Variants in ROBO2 observed in about 807,000 individuals in gnomAD.
ROBO2 encodes roundabout homolog 2.
ROBO2 carries 53 observed loss-of-function variants against 160.8 expected under a neutral mutation model. That is an observed-to-expected ratio of 0.33 (90% CI 0.26 to 0.41). The LOEUF (loss-of-function observed/expected upper bound fraction) is 0.41. ROBO2 is among the 10% of genes least tolerant of loss of function. The pLI, the probability that ROBO2 is intolerant of heterozygous loss-of-function variation, is 1.00. For missense variants in ROBO2, 1,577 were observed against 1,722.4 expected (o/e 0.92, Z 1.49); for synonymous variants, 664 against 611.7 (o/e 1.09, Z -1.26).
At position 76,750,458 on chromosome 3, in the gene ROBO2, G is replaced by A. The variant is rs372316868; in HGVS notation, c.110-347556G>A. 6.6e-3 allele frequency among the ~76,000 whole-genome samples: 1,001 copies of A among 151,226 alleles called. 6 individuals are homozygous for A. The highest frequency in any genetic ancestry group is 0.024 in the Middle Eastern group (7 of 292). On this transcript the variant is annotated intron_variant, in intron 2 of 26. Coordinates refer to the ROBO2 transcript ENST00000487694. ...GAAGTTCTGGCCAGGGCAATCAGGC[G>A]GGAGAAAGAAATAAAGGGTATTCAA...
At chr3:77,447,886 T>C (rs1478656663) in intron 2 of ROBO2, among the ~76,000 whole-genome samples, 1 of 152,146 alleles carries the variant, frequency 6.6e-6, no homozygotes, top group Non-Finnish European at 1.5e-5. Flanking sequence ...TGGTGCAATA[T>C]TGAGCTACTC....
chr3:75,925,277 T>C (rs1947244766), intron 1 of ROBO2, among the ~76,000 whole-genome samples: 1 of 151,544 alleles, frequency 6.6e-6, no homozygotes, highest in African/African-American at 2.4e-5. Context: ...CCTGTCGTCC[T>C]GGCTACTCCG....
At chr3:77,611,532 G>A (rs971516037) in intron 21 of ROBO2, among the ~76,000 whole-genome samples, 3 of 152,020 alleles carry the variant, frequency 2.0e-5, no homozygotes, top group African/African-American at 7.2e-5. Flanking sequence ...AAGGTCAATG[G>A]GTTGGAGGAA....
rs959776556 is a variant in ROBO2, at chr3:76,307,546, C to T, written c.109+369944C>T. The stretch of plus-strand genomic sequence containing the variant: ...CTCGGTGGACCTTCCCATTTATAGA[C>T]CTCTGTGCTGCTGCCAGTAAACTAA... On this transcript the variant is annotated intron_variant, in intron 2 of 26. Transcript: ENST00000487694. 2.0e-5 allele frequency among the ~76,000 whole-genome samples: 3 copies of T among 149,944 alleles called. No individual in the cohort carries two copies. The South Asian group carries it at 6.4e-4, about 32-fold the overall frequency.
chr3:76,867,858 G>C (rs1280462897), intron 2 of ROBO2, among the ~76,000 whole-genome samples: 2 of 152,292 alleles, frequency 1.3e-5, no homozygotes, highest in Non-Finnish European at 2.9e-5. Context: ...AGTTTTCGAT[G>C]TGGCAGCAGG....
At chr3:77,625,507 A>C (rs1012039187) in intron 23 of ROBO2, among the ~76,000 whole-genome samples, 1 of 151,818 alleles carries the variant, frequency 6.6e-6, no homozygotes, top group African/African-American at 2.4e-5. Flanking sequence ...CCTCCTGAGT[A>C]ACTGGGACTA....
rs539632771 is a variant in ROBO2, at chr3:76,099,314, A to T, written c.109+161712A>T. ...ATTAGTATTTAAGGATAATATATTT[A>T]GTCCTTGTAGTGTCTCTGTGGACTC... On this transcript the variant is annotated intron_variant, in intron 2 of 26. Transcript: ENST00000487694. 2.6e-5 allele frequency among the ~76,000 whole-genome samples: 4 copies of T among 152,148 alleles called. No homozygotes were observed. The South Asian group carries it at 8.3e-4, about 32-fold the overall frequency.
rs376463517 is a variant in ROBO2 at position 77,090,494 on chromosome 3, C to T, written c.62-7520C>T. 4.4e-3 allele frequency among the ~76,000 whole-genome samples: 672 copies of T among 151,628 alleles called. 10 individuals are homozygous for T. Among genetic ancestry groups the T allele is most frequent in the African/African-American group, 0.015 (635 of 41,392 alleles). ...TCAGTCTCCCGAGTAGCTGGGACGA[C>T]AGGCGCCACCACCACGCCCGGCTAA... On this transcript the variant is annotated intron_variant, in intron 1 of 25. Transcript: ENST00000461745.
intron 2 of ROBO2, among the ~76,000 whole-genome samples, chr3:76,798,972 T>C (rs1047148169): frequency 6.6e-6 from 1 of 151,708 alleles, no homozygotes; most frequent in Non-Finnish European, 1.5e-5. Flanking sequence ...TATACAACTT[T>C]GGGAGGCCGA....
intron 2 of ROBO2, among the ~76,000 whole-genome samples, chr3:76,665,332 A>G (rs1205898222): frequency 2.0e-5 from 3 of 152,162 alleles, no homozygotes; most frequent in Non-Finnish European, 2.9e-5. Flanking sequence ...TGAATAATTA[A>G]TATTTCAAAT....
intron 2 of ROBO2, among the ~76,000 whole-genome samples, chr3:76,981,034 G>A (rs749037565): frequency 1.8e-4 from 28 of 151,998 alleles, no homozygotes; most frequent in Admixed American, 1.3e-3. Context: ...CGTTTTCGTC[G>A]CCTAATAATG....
intron 2 of ROBO2, among the ~76,000 whole-genome samples, chr3:76,094,288 G>A (rs957465978): frequency 2.6e-5 from 4 of 152,204 alleles, no homozygotes; most frequent in African/African-American, 7.2e-5. Flanking sequence ...ATGCGGCAAA[G>A]CGCTCTTAAT....
At chr3:76,527,331 G>A (rs966010713) in intron 2 of ROBO2, among the ~76,000 whole-genome samples, 1 of 151,906 alleles carries the variant, frequency 6.6e-6, no homozygotes, top group Non-Finnish European at 1.5e-5. Flanking sequence ...GAAGTGCAAG[G>A]GATCTTATGG....
At chr3:76,263,872 T>C (rs1216469338) in intron 2 of ROBO2, among the ~76,000 whole-genome samples, 2 of 152,208 alleles carry the variant, frequency 1.3e-5, no homozygotes, top group African/African-American at 4.8e-5. Context: ...ATACACACCA[T>C]GGAATACTAT....
chr3:76,577,545 T>A (rs1190553917), intron 2 of ROBO2, among the ~76,000 whole-genome samples: 1 of 152,144 alleles, frequency 6.6e-6, no homozygotes, highest in East Asian at 1.9e-4. Flanking sequence ...GTTGAGTTGT[T>A]AGCATGTCCA....
At chr3:76,594,244 T>A (rs779462515) in intron 2 of ROBO2, among the ~76,000 whole-genome samples, 4 of 152,026 alleles carry the variant, frequency 2.6e-5, no homozygotes, top group Non-Finnish European at 5.9e-5. Flanking sequence ...AAAATCTGGT[T>A]TCTCTCTATT....
At chr3:76,405,334 A>G (rs191148535) in intron 2 of ROBO2, among the ~76,000 whole-genome samples, 1 of 151,298 alleles carries the variant, frequency 6.6e-6, no homozygotes, top group Non-Finnish European at 1.5e-5. Flanking sequence ...GAAGTCAGAG[A>G]GAAAGATTGG....
At chr3:77,316,907 AG>A (rs2064050364) in intron 2 of ROBO2, 1 of 1,178,466 alleles carries the variant, frequency 8.5e-7, no homozygotes, top group South Asian at 1.2e-5. Flanking sequence ...TTAGTGGAGA[AG>A]CAGGCATGAG....
intron 2 of ROBO2, among the ~76,000 whole-genome samples, chr3:76,638,698 A>G (rs1409269726): frequency 3.9e-5 from 6 of 152,202 alleles, no homozygotes; most frequent in Non-Finnish European, 8.8e-5. Context: ...TCAAAATTAT[A>G]GTGATGAAGT....
Sources: allele counts gnomAD v4.1 joint callset (sites outside exome capture counted in the v4.1 genomes callset), GRCh38; gene constraint gnomAD v4.1.1; transcripts MANE v1.5; gene names NCBI Gene and HGNC (gene_info 2026-07-23, HGNC 2026-07-21).